Variants in KLF7 observed in about 807,000 individuals in gnomAD.
KLF7 encodes Krueppel-like factor 7.
In KLF7, 2 loss-of-function variants were observed where a neutral mutation model predicts 27.3. The ratio of observed to expected loss-of-function variants is 0.07; its 90% CI spans 0.03 to 0.23. The LOEUF (loss-of-function observed/expected upper bound fraction) is 0.23, where lower values mean the gene tolerates loss of function less well. Ranked by LOEUF, KLF7 falls within the 10% of genes least tolerant of loss-of-function variation. The pLI, the probability that KLF7 is intolerant of heterozygous loss-of-function variation, is 1.00. For synonymous variants in KLF7, 165 were observed against 162.4 expected, an observed-to-expected ratio of 1.02 and a Z score of -0.12; for missense variants, 221 against 394.1, an observed-to-expected ratio of 0.56 and a Z score of 3.72.
intron 2 of KLF7, 59 bp from the exon 3 acceptor site, chr2:207,088,640 A>C (rs878987105): frequency 2.3e-5 from 36 of 1,575,820 alleles, no homozygotes; most frequent in Admixed American, 1.7e-5. Context: ...ATTACACCCA[A>C]CCAGCCTGTG....
chr2:207,166,984 A>C, upstream of KLF7: 2 of 743,770 alleles, frequency 2.7e-6, no homozygotes, highest in Admixed American at 5.1e-5. Context: ...TCTGACCCCG[A>C]GCGAGAGACC....
intron 2 of KLF7, among the ~76,000 whole-genome samples, chr2:207,111,751 C>A: frequency 6.6e-6 from 1 of 152,118 alleles, no homozygotes; most frequent in East Asian, 1.9e-4. Flanking sequence ...ATCTGCTCTC[C>A]AAGAAGAGTA....
intron 1 of KLF7, among the ~76,000 whole-genome samples, chr2:207,154,311 T>C (rs1414676407): frequency 6.6e-6 from 1 of 152,020 alleles, no homozygotes; most frequent in Non-Finnish European, 1.5e-5. Context: ...TTAAAAAAAA[T>C]AACTGCATGC....
At chr2:207,157,838 T>C (rs1334850673) in intron 1 of KLF7, among the ~76,000 whole-genome samples, 5 of 152,196 alleles carry the variant, frequency 3.3e-5, no homozygotes, top group Admixed American at 2.6e-4. Flanking sequence ...GGAGTTACAA[T>C]GACTAGAATG....
At chr2:207,094,446 A>G (rs2076580594) in intron 2 of KLF7, among the ~76,000 whole-genome samples, 1 of 152,238 alleles carries the variant, frequency 6.6e-6, no homozygotes, top group Non-Finnish European at 1.5e-5. Context: ...GAAACTCTGC[A>G]GATCAGGAAA....
Position 207,165,681 on chromosome 2 carries a change from C to T in KLF7, c.-113G>A. On this transcript the variant is annotated 5_prime_UTR_variant, in exon 1 of 4. Coordinates refer to ENST00000309446, the MANE Select transcript of KLF7 (RefSeq NM_003709.4). ...CCAAGAAGGCAGACATCCAGTGGCC[C>T]TTTTGTTTTGTTTTGTTTCAGTCAA... 3 of 1,536,142 alleles carry T rather than the reference C, an allele frequency of 2.0e-6. No individual in the cohort carries two copies. Among genetic ancestry groups the T allele is most frequent in the Non-Finnish European group, 2.6e-6 (3 of 1,144,248 alleles).
chr2:207,113,665 T>C (rs183768774), intron 2 of KLF7, among the ~76,000 whole-genome samples: 1 of 147,646 alleles, frequency 6.8e-6, no homozygotes. Context: ...GAAACAGCTG[T>C]GTAGCAGGCC....
At chr2:207,126,283 A>G (rs1478525597) in intron 1 of KLF7, among the ~76,000 whole-genome samples, 1 of 152,180 alleles carries the variant, frequency 6.6e-6, no homozygotes, top group African/African-American at 2.4e-5. Context: ...TTTCTGAATT[A>G]TAAGATTCTA....
upstream of KLF7, chr2:207,166,151 T>C: frequency 1.0e-6 from 1 of 984,394 alleles, no homozygotes; most frequent in Non-Finnish European, 1.2e-6. Flanking sequence ...CGCGCAGCCG[T>C]GGGATCTCGA....
rs1237378390 is a variant in KLF7, at chr2:207,165,750, A to T, written c.-182T>A. 4 of 1,440,978 alleles carry T rather than the reference A, an allele frequency of 2.8e-6. No homozygotes were observed. Among genetic ancestry groups the T allele is most frequent in the Non-Finnish European group, 3.6e-6 (4 of 1,104,002 alleles). The allele number at this position is 1,440,978 out of a possible 1,614,324, so 89.3% of individuals were successfully genotyped here. On this transcript the variant is annotated 5_prime_UTR_variant, in exon 1 of 4. Coordinates refer to ENST00000309446, the MANE Select transcript of KLF7 (RefSeq NM_003709.4). ...AATCAATGCAGGAGAGGGAGAGAGG[A>T]GGTGAGAGAGGAGCGAGTGAGTGGG...
At chr2:207,172,030 T>G (rs1007509284), upstream of KLF7, among the ~76,000 whole-genome samples, 2 of 152,212 alleles carry the variant, frequency 1.3e-5, no homozygotes, top group African/African-American at 4.8e-5. Flanking sequence ...TACCCCAATA[T>G]GTATGGCACC....
At chr2:207,142,004 A>T (rs2077956160) in intron 1 of KLF7, among the ~76,000 whole-genome samples, 1 of 151,932 alleles carries the variant, frequency 6.6e-6, no homozygotes, top group Admixed American at 6.6e-5. Flanking sequence ...CCCTGCTCTC[A>T]ATAAGAATCT....
At chr2:207,090,438 G>C (rs1404990446) in intron 2 of KLF7, among the ~76,000 whole-genome samples, 1 of 152,154 alleles carries the variant, frequency 6.6e-6, no homozygotes, top group East Asian at 1.9e-4. Flanking sequence ...TTAAACGAGG[G>C]TGAGCTTATT....
intron 1 of KLF7, among the ~76,000 whole-genome samples, chr2:207,129,578 T>A (rs1429996605): frequency 6.6e-6 from 1 of 152,206 alleles, no homozygotes; most frequent in Non-Finnish European, 1.5e-5. Context: ...CTTGAAACCT[T>A]TTTTAATACT....
intron 1 of KLF7, among the ~76,000 whole-genome samples, chr2:207,128,048 G>T (rs2077528542): frequency 6.6e-6 from 1 of 152,152 alleles, no homozygotes; most frequent in African/African-American, 2.4e-5. Flanking sequence ...TTAGCCCAGG[G>T]ATCTTGGTTT....
At chr2:207,121,114 G>T (rs2077329273) in intron 2 of KLF7, 1 of 152,184 alleles carries the variant, frequency 6.6e-6, no homozygotes, top group Admixed American at 6.5e-5. Context: ...TATGTTGTGG[G>T]AGGAAAGCCA....
chr2:207,081,272 A>G lies in KLF7; in HGVS notation c.858-8T>C. 6.2e-7 allele frequency: 1 copy of G among 1,612,016 alleles called. No individual in the cohort carries two copies. The highest frequency in any genetic ancestry group is 8.5e-7 in the Non-Finnish European group (1 of 1,178,096). ...TCAGACCTGGAAAAACACCTAGGAG[A>G]TATAAACAACAAGGATATTAGAGAA... On this transcript the variant is annotated splice_region_variant and splice_polypyrimidine_tract_variant and intron_variant, in intron 3 of 3. Transcript: ENST00000309446.
At chr2:207,171,681 T>A (rs1297226300), upstream of KLF7, among the ~76,000 whole-genome samples, 1 of 152,238 alleles carries the variant, frequency 6.6e-6, no homozygotes, top group Non-Finnish European at 1.5e-5. Context: ...CAGATGATAG[T>A]TACCAATTTT....
At position 207,081,064 on chromosome 2, in the gene KLF7, T is replaced by TGC. The variant is rs2076259604; in HGVS notation, c.*148_*149insGC. 4 of 693,850 alleles carry TGC rather than the reference T, an allele frequency of 5.8e-6. No individual in the cohort carries two copies. In the Middle Eastern group the frequency reaches 1.2e-3, roughly 206 times the overall value. The allele number at this position is 693,850 out of a possible 1,614,324, so 43.0% of individuals were successfully genotyped here. A position where few individuals can be genotyped will look rare whatever the true frequency, so the allele number is the denominator to read the frequency against. On this transcript the variant is annotated 3_prime_UTR_variant, in exon 4 of 4. Coordinates refer to ENST00000309446, the MANE Select transcript of KLF7 (RefSeq NM_003709.4). ...GTGGGTCTGTGAGTGTGTGTATATG[T>TGC]GTGTGTGTGTGTGTGTGTGTACAGA...
Sources: gnomAD v4.1 joint callset for allele counts (sites outside exome capture counted in the v4.1 genomes callset) on GRCh38, gnomAD v4.1.1 for gene constraint, MANE v1.5 for transcripts, NCBI Gene and HGNC (gene_info 2026-07-23, HGNC 2026-07-21) for gene names.